The following TANC2 variants were observed in gnomAD, a reference collection of about 807,000 sequenced individuals.
The protein encoded by TANC2 is tetratricopeptide repeat, ankyrin repeat and coiled-coil containing 2, also known as protein TANC2.
TANC2 carries 26 observed loss-of-function variants against 210.5 expected under a neutral mutation model. That is an observed-to-expected ratio of 0.12 (90% CI 0.09 to 0.17). The LOEUF (loss-of-function observed/expected upper bound fraction) is 0.17, where lower values mean the gene tolerates loss of function less well. Among genes scored for constraint, TANC2 ranks in the 10% least tolerant of loss-of-function variants. TANC2 has a pLI of 1.00. For synonymous variants in TANC2, 931 were observed against 967.1 expected (o/e 0.96, Z 0.69); for missense variants, 2,129 against 2,608.9 (o/e 0.82, Z 4.01).
At chr17:63,403,866 A>G (rs1251354398) in intron 19 of TANC2, among the ~76,000 whole-genome samples, 1 of 152,234 alleles carries the variant, frequency 6.6e-6, no homozygotes, top group Non-Finnish European at 1.5e-5. Context: ...TTCATTTTGC[A>G]TATGACTCAG....
intron 2 of TANC2, among the ~76,000 whole-genome samples, chr17:63,059,284 A>T (rs1329325273): frequency 6.6e-6 from 1 of 152,106 alleles, no homozygotes. Flanking sequence ...TTGAATATGC[A>T]CTCAGGAACA....
intron 14 of TANC2, among the ~76,000 whole-genome samples, chr17:63,355,669 T>C (rs2046760137): frequency 6.6e-6 from 1 of 152,192 alleles, no homozygotes; most frequent in Admixed American, 6.5e-5. Context: ...GTTCACAGGC[T>C]ATAATTAAGT....
rs945310437 is a variant in TANC2, at chr17:63,412,920, G to C, written c.3928+211G>C. On this transcript the variant is annotated intron_variant, in intron 24 of 27. Coordinates refer to ENST00000689528, the Ensembl canonical transcript of TANC2. The surrounding 1 kb of genome is among the most constrained non-coding windows in gnomAD (Gnocchi z 4.2). ...AAAGCATAGTTTGTAAATAATTCAG[G>C]CATTTGTAAACTAATCAATTTAACC... is the stretch of plus-strand genomic sequence containing the variant. 6.6e-5 allele frequency among the ~76,000 whole-genome samples: 10 copies of C among 152,042 alleles called. No homozygotes were observed. Among genetic ancestry groups the C allele is most frequent in the Non-Finnish European group, 1.3e-4 (9 of 68,010 alleles).
chr17:63,318,881 A>G, intron 10 of TANC2, 76 bp from the exon 11 acceptor site: 1 of 1,530,572 alleles, frequency 6.5e-7, no homozygotes, highest in Non-Finnish European at 9.0e-7. Context: ...AGATCATAGA[A>G]CAAATGGAAT....
intron 1 of TANC2, among the ~76,000 whole-genome samples, chr17:62,985,248 C>T (rs987421066): frequency 6.6e-6 from 1 of 152,122 alleles, no homozygotes; most frequent in Non-Finnish European, 1.5e-5. Flanking sequence ...ATCTACTCTA[C>T]TAAGACTAAT....
At chr17:63,076,325 G>T (rs992131229) in intron 3 of TANC2, among the ~76,000 whole-genome samples, 1 of 152,138 alleles carries the variant, frequency 6.6e-6, no homozygotes, top group Non-Finnish European at 1.5e-5. Flanking sequence ...TTGGACCTTA[G>T]ATATCTCTCT....
intron 1 of TANC2, among the ~76,000 whole-genome samples, chr17:62,987,911 C>T (rs1340277582): frequency 2.6e-5 from 4 of 151,776 alleles, no homozygotes; most frequent in Admixed American, 6.6e-5. Context: ...TTTTGTTTGC[C>T]GTAGACTTAA....
intron 7 of TANC2, among the ~76,000 whole-genome samples, chr17:63,205,077 C>G (rs1212493835): frequency 1.3e-5 from 2 of 151,700 alleles, no homozygotes; most frequent in African/African-American, 4.8e-5. Flanking sequence ...TGAGCAAGAC[C>G]CTGTCTCAAA....
chr17:63,395,621 T>A, intron 17 of TANC2, 122 bp from the exon 18 acceptor site: 1 of 824,278 alleles, frequency 1.2e-6, no homozygotes. Flanking sequence ...GCTCAGAGAT[T>A]GGTTCCAGGA....
chr17:62,978,333 T>G (rs559072052), intron 1 of TANC2, among the ~76,000 whole-genome samples: 1 of 152,328 alleles, frequency 6.6e-6, no homozygotes, highest in Non-Finnish European at 1.5e-5. Context: ...TTTCTCTTTT[T>G]TTGGGGAGAG....
chr17:63,055,940 C>T (rs2035759234), intron 2 of TANC2, among the ~76,000 whole-genome samples: 1 of 110,764 alleles, frequency 9.0e-6, no homozygotes, highest in Non-Finnish European at 1.8e-5. Flanking sequence ...CCAACTTGTA[C>T]AACGTAGTGA....
chr17:63,016,444 T>C (rs2034114489), intron 2 of TANC2, among the ~76,000 whole-genome samples: 1 of 152,182 alleles, frequency 6.6e-6, no homozygotes, highest in African/African-American at 2.4e-5. Context: ...AATAATATTC[T>C]GTTGTGCCAC....
chr17:63,339,032 CT>C (rs922060872), intron 11 of TANC2: 6 of 152,236 alleles, frequency 3.9e-5, no homozygotes, highest in South Asian at 2.1e-4. Flanking sequence ...ATGAGTGCCC[CT>C]AGGACAGATT....
At chr17:63,065,120 C>A (rs930702736) in intron 2 of TANC2, among the ~76,000 whole-genome samples, 11 of 152,144 alleles carry the variant, frequency 7.2e-5, no homozygotes, top group African/African-American at 2.4e-4. Flanking sequence ...TTTTTAGGTT[C>A]CACATATAAG....
intron 7 of TANC2, among the ~76,000 whole-genome samples, chr17:63,233,881 A>C (rs2042548311): frequency 6.6e-6 from 1 of 152,260 alleles, no homozygotes; most frequent in Non-Finnish European, 1.5e-5. Flanking sequence ...CGACAAGAGT[A>C]TTCTCTAGCC....
At chr17:63,155,119 AAG>A (rs2039790632) in intron 5 of TANC2, 1 of 152,006 alleles carries the variant, frequency 6.6e-6, no homozygotes, top group South Asian at 2.1e-4. Flanking sequence ...ATTAGTGAAT[AAG>A]AGCTTATGTT....
In TANC2 at chr17:63,184,521, A is replaced by C. The variant is rs553756012; in HGVS notation, c.434-9470A>C. Among the ~76,000 whole-genome samples the C allele has an allele frequency of 5.9e-5, 9 of 152,362 alleles. No homozygotes were observed. In the East Asian group the frequency reaches 1.7e-3, roughly 29 times the overall value. ...AGATATTGAATGTTTTCAGCAGTTCAGAAGCTTCCTTCATGCTTCCTCTGC... is the reference window on the plus strand; with the variant it reads ...AGATATTGAATGTTTTCAGCAGTTCCGAAGCTTCCTTCATGCTTCCTCTGC... On this transcript the variant is annotated intron_variant, in intron 5 of 27. Coordinates refer to ENST00000689528, the Ensembl canonical transcript of TANC2.
At chr17:62,999,463 A>G (rs1351457455) in intron 1 of TANC2, among the ~76,000 whole-genome samples, 3 of 152,254 alleles carry the variant, frequency 2.0e-5, no homozygotes, top group African/African-American at 4.8e-5. Flanking sequence ...AAGGCATTAC[A>G]TAATGGCAAA....
At chr17:63,298,267 C>T (rs967542015) in intron 9 of TANC2, among the ~76,000 whole-genome samples, 3 of 152,146 alleles carry the variant, frequency 2.0e-5, no homozygotes, top group Non-Finnish European at 4.4e-5. Flanking sequence ...CACAGCACCA[C>T]TATTTGTAGT....
Sources: gnomAD v4.1 joint callset for allele counts (sites outside exome capture counted in the v4.1 genomes callset) on GRCh38, gnomAD v4.1.1 for gene constraint, Gnocchi (gnomAD v3.1) non-coding constraint, MANE v1.5 for transcripts, NCBI Gene and HGNC (gene_info 2026-07-23, HGNC 2026-07-21) for gene names.